The following AMN1 variants were observed in gnomAD, a reference collection of about 807,000 sequenced individuals.
AMN1 encodes antagonist of mitotic exit network 1 homolog.
A neutral mutation model predicts 33.0 loss-of-function variants in AMN1; 20 were observed. The ratio of observed to expected loss-of-function variants is 0.61; its 90% CI spans 0.43 to 0.88. The LOEUF is 0.88. Ranked by LOEUF, AMN1 falls within the 40% of genes least tolerant of loss-of-function variation. The pLI is 0.00. For missense variants in AMN1, 246 were observed against 307.4 expected, an observed-to-expected ratio of 0.80 and a Z score of 1.49; for synonymous variants, 114 against 111.9, an observed-to-expected ratio of 1.02 and a Z score of -0.12.
At chr12:31,726,350 A>G (rs1186485908) in intron 1 of AMN1, among the ~76,000 whole-genome samples, 2 of 152,000 alleles carry the variant, frequency 1.3e-5, no homozygotes, top group Non-Finnish European at 2.9e-5. Context: ...TAGTAGAGAC[A>G]GGGTTTCTCC....
intron 1 of AMN1, chr12:31,714,851 A>G: frequency 1.1e-6 from 1 of 920,988 alleles, no homozygotes; most frequent in Non-Finnish European, 1.3e-6. Context: ...TGAAACAAAT[A>G]TAAACTAGGA....
intron 1 of AMN1, among the ~76,000 whole-genome samples, chr12:31,721,456 A>G (rs1436071826): frequency 6.6e-6 from 1 of 152,208 alleles, no homozygotes; most frequent in Non-Finnish European, 1.5e-5. Flanking sequence ...GCTGGTGAAC[A>G]GCAGTCTCCT....
At chr12:31,690,915 C>G (rs1938470653) in intron 5 of AMN1, among the ~76,000 whole-genome samples, 2 of 152,228 alleles carry the variant, frequency 1.3e-5, no homozygotes, top group Middle Eastern at 3.4e-3. Flanking sequence ...GTGGGTGGAT[C>G]ATGAGGTCAG....
intron 6 of AMN1, among the ~76,000 whole-genome samples, chr12:31,688,236 G>A (rs546388367): frequency 5.3e-5 from 8 of 152,316 alleles, no homozygotes; most frequent in African/African-American, 1.7e-4. Context: ...TTATAGGCAT[G>A]AGCCACCACG....
intron 6 of AMN1, among the ~76,000 whole-genome samples, chr12:31,682,769 A>C (rs1938080765): frequency 6.6e-6 from 1 of 152,190 alleles, no homozygotes; most frequent in African/African-American, 2.4e-5. Context: ...AGAAGTAAAC[A>C]ACACAGGGCC....
intron 6 of AMN1, among the ~76,000 whole-genome samples, chr12:31,677,038 C>A (rs1385878413): frequency 6.6e-6 from 1 of 151,786 alleles, no homozygotes; most frequent in Admixed American, 6.6e-5. Flanking sequence ...GCGGCTCACA[C>A]CTGTAATCCC....
chr12:31,713,226 A>G (rs1939537358), intron 1 of AMN1, among the ~76,000 whole-genome samples: 1 of 152,112 alleles, frequency 6.6e-6, no homozygotes, highest in African/African-American at 2.4e-5. Flanking sequence ...TTATATATAT[A>G]TGTATGTATA....
intron 4 of AMN1, 50 bp downstream of exon 4, chr12:31,697,690 A>T: frequency 6.4e-7 from 1 of 1,555,180 alleles, no homozygotes; most frequent in Non-Finnish European, 8.9e-7. Flanking sequence ...TCATGAAAAT[A>T]CATTTGGTAA....
chr12:31,698,040 C>A, intron 3 of AMN1, 83 bp from the exon 4 acceptor site: 1 of 1,339,656 alleles, frequency 7.5e-7, no homozygotes, highest in East Asian at 2.4e-5. Context: ...TTCATTTTAG[C>A]AATCACCAGT....
At chr12:31,724,983 C>T (rs1010617866) in intron 1 of AMN1, among the ~76,000 whole-genome samples, 3 of 152,160 alleles carry the variant, frequency 2.0e-5, no homozygotes, top group Non-Finnish European at 4.4e-5. Flanking sequence ...CAAGGGAGAT[C>T]ATCTTGACAG....
intron 1 of AMN1, among the ~76,000 whole-genome samples, chr12:31,720,453 T>C (rs565775028): frequency 2.0e-5 from 3 of 151,450 alleles, no homozygotes; most frequent in Non-Finnish European, 4.4e-5. Context: ...GGCAGGAAAA[T>C]CGCTTGAACC....
At chr12:31,710,456 T>C (rs1939420309) in intron 1 of AMN1, among the ~76,000 whole-genome samples, 1 of 152,118 alleles carries the variant, frequency 6.6e-6, no homozygotes, top group Admixed American at 6.6e-5. Context: ...TTTCCTCTTT[T>C]GGTTTCCTAC....
rs901503871 is a variant in AMN1 at position 31,710,046 on chromosome 12, T to C, written c.39-621A>G. Reference sequence around the variant, plus strand: ...GACACATACTCCTAAATAAGCTTTATATTGGGACCCACTAATTGAAAAGTT... The same window carrying C: ...GACACATACTCCTAAATAAGCTTTACATTGGGACCCACTAATTGAAAAGTT... On this transcript the variant is annotated intron_variant, in intron 1 of 6. Transcript: ENST00000281471. Among the ~76,000 whole-genome samples, 3 of 152,338 alleles carry C rather than the reference T, an allele frequency of 2.0e-5. No individual in the cohort carries two copies. In the East Asian group the frequency reaches 5.8e-4, roughly 29 times the overall value.
rs375155943 is a variant in AMN1, at chr12:31,672,300, A to T, written c.*4T>A. ...TCCTAGCATTGATCATCTTCAAAAA[A>T]GCATCAATAAACAGTCCATGTCACT... is the stretch of plus-strand genomic sequence containing the variant. On this transcript the variant is annotated 3_prime_UTR_variant, in exon 7 of 7. Transcript: ENST00000281471. 4.1e-5 allele frequency: 64 copies of T among 1,566,970 alleles called. No individual in the cohort carries two copies. In the African/African-American group the frequency reaches 7.4e-4, roughly 18 times the overall value.
chr12:31,710,996 G>T (rs1939444432), intron 1 of AMN1, among the ~76,000 whole-genome samples: 1 of 151,976 alleles, frequency 6.6e-6, no homozygotes, highest in African/African-American at 2.4e-5. Flanking sequence ...TGCAACCTCT[G>T]CCTCCCAGGT....
At chr12:31,703,189 AG>A (rs1565774739) in intron 2 of AMN1, among the ~76,000 whole-genome samples, 2 of 152,304 alleles carry the variant, frequency 1.3e-5, no homozygotes, top group Admixed American at 6.5e-5. Flanking sequence ...AGCCAAAAGG[AG>A]TGGAGCTGGG....
Position 31,709,385 on chromosome 12 carries a change from T to C in AMN1, c.79A>G (p.Thr27Ala). ...TTGGGAGGCAAAGGCTTAATGTCTG[T>C]GAGATATCTGGAAATATTCTTCATG... The part of the protein sequence containing the change: ...CFMKNISRYL[T>A]DIKPLPPNIK... Residue 27 changes from threonine (T) to alanine (A), a missense_variant, in exon 2 of 7, where the codon ACA (threonine) becomes GCA (alanine). By Grantham distance (58) the Thr-to-Ala change is moderately conservative (BLOSUM62 0). Transcript: ENST00000281471. 2 of 1,613,910 alleles carry C rather than the reference T, an allele frequency of 1.2e-6. No individual in the cohort carries two copies. Among genetic ancestry groups the C allele is most frequent in the Non-Finnish European group, 1.7e-6 (2 of 1,179,828 alleles).
Position 31,683,855 on chromosome 12 carries a change from A to G in AMN1, c.703+5152T>C, listed in dbSNP as rs1268212975. The stretch of plus-strand genomic sequence containing the variant: ...ATTTGAGTACTTGGCAGACTATTTC[A>G]TGAAAATAGAAGAAATGAGGCTGTC... On this transcript the variant is annotated intron_variant, in intron 6 of 6. Transcript: ENST00000281471. This position sits in a 1 kb window ranked among gnomAD's most constrained non-coding sequence, Gnocchi z 4.1. Among the ~76,000 whole-genome samples the G allele has an allele frequency of 1.3e-5, 2 of 152,206 alleles. No individual in the cohort carries two copies. Among genetic ancestry groups the G allele is most frequent in the African/African-American group, 2.4e-5 (1 of 41,448 alleles).
rs770065975 is a variant in AMN1, at chr12:31,697,841, T to A, written c.433A>T (p.Ile145Phe). The A allele has an allele frequency of 3.7e-6, 6 of 1,613,894 alleles. No individual in the cohort carries two copies. In the Admixed American group the frequency reaches 6.7e-5, roughly 18 times the overall value. ...CTTAAGCAGCCACCTAAATCGATGA[T>A]CTTTAGCAGCTGGCAATTGAGTGCA... Reference protein sequence around the residue: ...ALALNCQLLKIIDLGGCLSIT... With the variant: ...ALALNCQLLKFIDLGGCLSIT... The change falls in exon 4 of 7, where the codon ATC becomes TTC. Residue 145 changes from isoleucine to phenylalanine, a missense_variant. Coordinates refer to ENST00000281471, the MANE Select transcript of AMN1 (RefSeq NM_001113402.2).
Sources: allele counts gnomAD v4.1 joint callset (sites outside exome capture counted in the v4.1 genomes callset), GRCh38; gene constraint gnomAD v4.1.1; non-coding constraint Gnocchi (gnomAD v3.1); transcripts MANE v1.5; gene names NCBI Gene and HGNC (gene_info 2026-07-23, HGNC 2026-07-21).